Variants in STAG1 observed in about 807,000 individuals in gnomAD.
STAG1 encodes STAG1 cohesin complex component, also known as cohesin subunit SA-1.
STAG1 carries 26 observed loss-of-function variants against 170.9 expected under a neutral mutation model. The observed-to-expected ratio is 0.15, with a 90% CI of 0.11 to 0.21. STAG1 has a LOEUF of 0.21. Among genes scored for constraint, STAG1 ranks in the 10% least tolerant of loss-of-function variants. The pLI, the probability that STAG1 is intolerant of heterozygous loss-of-function variation, is 1.00. For missense variants in STAG1, 964 were observed against 1,509.5 expected, an observed-to-expected ratio of 0.64 and a Z score of 5.99; for synonymous variants, 514 against 497.7, an observed-to-expected ratio of 1.03 and a Z score of -0.44.
intron 23 of STAG1, among the ~76,000 whole-genome samples, chr3:136,370,476 C>T (rs1341921006): frequency 6.6e-6 from 1 of 152,126 alleles, no homozygotes; most frequent in East Asian, 1.9e-4. Flanking sequence ...CATCATTTAG[C>T]ATTAGGTGTA....
At chr3:136,602,765 C>T (rs1000812560) in intron 4 of STAG1, among the ~76,000 whole-genome samples, 1 of 151,870 alleles carries the variant, frequency 6.6e-6, no homozygotes, top group African/African-American at 2.4e-5. Flanking sequence ...GCACAAGAAT[C>T]CCTTGAACCC....
chr3:136,447,931 A>G (rs1027730814), intron 14 of STAG1, among the ~76,000 whole-genome samples: 2 of 152,056 alleles, frequency 1.3e-5, no homozygotes, highest in African/African-American at 4.8e-5. Flanking sequence ...CACACTTTTT[A>G]TAATAAATTC....
chr3:136,405,317 C>A (rs2087450121), intron 21 of STAG1, among the ~76,000 whole-genome samples: 1 of 137,474 alleles, frequency 7.3e-6, no homozygotes, highest in Non-Finnish European at 1.5e-5. Context: ...TCTCGGCTCA[C>A]TGCAACCTCC....
intron 6 of STAG1, among the ~76,000 whole-genome samples, chr3:136,531,396 C>A (rs1312746233): frequency 6.6e-6 from 1 of 151,116 alleles, no homozygotes; most frequent in Admixed American, 6.6e-5. Context: ...TTGACCCAGC[C>A]ATCCCATTAC....
chr3:136,421,023 G>A (rs181741453), intron 20 of STAG1, 70 bp downstream of exon 20: 34 of 882,356 alleles, frequency 3.9e-5, no homozygotes, highest in African/African-American at 3.3e-4. Context: ...TGCCCATCTC[G>A]GCCTCTCAAA....
At position 136,467,815 on chromosome 3, in the gene STAG1, G is replaced by C. The variant is rs565572392; in HGVS notation, c.1206-2827C>G. On this transcript the variant is annotated intron_variant, in intron 12 of 33. Transcript: ENST00000383202. ...AGAAATTATAACAAACTGTCTCTCAGACCACAGTGCAATCAAACTAGAACT... is the reference window on the plus strand; with the variant it reads ...AGAAATTATAACAAACTGTCTCTCACACCACAGTGCAATCAAACTAGAACT... 4.6e-5 allele frequency among the ~76,000 whole-genome samples: 7 copies of C among 152,282 alleles called. No homozygotes were observed. The South Asian group carries it at 1.5e-3, about 32-fold the overall frequency.
chr3:136,736,998 C>T (rs1319453445), intron 1 of STAG1: 12 of 1,592,478 alleles, frequency 7.5e-6, no homozygotes, highest in Admixed American at 1.7e-5. Flanking sequence ...TGTCAGGATG[C>T]ACCAAGATGG....
intron 5 of STAG1, among the ~76,000 whole-genome samples, chr3:136,547,014 AG>A (rs1936181186): frequency 6.6e-6 from 1 of 152,196 alleles, no homozygotes; most frequent in African/African-American, 2.4e-5. Flanking sequence ...TCTTTTGCCT[AG>A]AATACCTATT....
intron 4 of STAG1, among the ~76,000 whole-genome samples, chr3:136,590,212 C>T (rs990223826): frequency 2.0e-5 from 3 of 151,916 alleles, no homozygotes; most frequent in Admixed American, 6.6e-5. Flanking sequence ...TGGCTGGGCA[C>T]GGTGGCTCAC....
chr3:136,595,269 T>C (rs1938371344), intron 4 of STAG1, among the ~76,000 whole-genome samples: 1 of 152,148 alleles, frequency 6.6e-6, no homozygotes, highest in African/African-American at 2.4e-5. Context: ...CTCATAGCCA[T>C]CCTCCAATAC....
At chr3:136,407,660 T>C (rs1335863869) in intron 21 of STAG1, among the ~76,000 whole-genome samples, 2 of 151,872 alleles carry the variant, frequency 1.3e-5, no homozygotes, top group East Asian at 2.0e-4. Context: ...CAGAGTTTCA[T>C]CATGTTGGAC....
At chr3:136,610,972 G>C (rs891571041) in intron 3 of STAG1, among the ~76,000 whole-genome samples, 19 of 151,972 alleles carry the variant, frequency 1.3e-4, no homozygotes, top group Non-Finnish European at 2.5e-4. Context: ...TATATGGGTT[G>C]AGTACCCCTT....
intron 12 of STAG1, among the ~76,000 whole-genome samples, chr3:136,467,289 G>C (rs1169282638): frequency 6.6e-6 from 1 of 152,010 alleles, no homozygotes; most frequent in African/African-American, 2.4e-5. Flanking sequence ...ACACACATAG[G>C]CGCAAAATAA....
At chr3:136,447,629 CAG>C (rs1288448788) in intron 14 of STAG1, among the ~76,000 whole-genome samples, 2 of 92,762 alleles carry the variant, frequency 2.2e-5, no homozygotes, top group Admixed American at 3.2e-4. Flanking sequence ...TTTTTTGAGA[CAG>C]AGTCTTAAAC....
At chr3:136,600,227 G>A (rs542174380) in intron 4 of STAG1, among the ~76,000 whole-genome samples, 2 of 152,212 alleles carry the variant, frequency 1.3e-5, no homozygotes, top group African/African-American at 4.8e-5. Context: ...ACATCTCAAG[G>A]GTAACTTGAG....
intron 28 of STAG1, among the ~76,000 whole-genome samples, chr3:136,351,922 C>G (rs776594690): frequency 2.6e-5 from 4 of 151,942 alleles, no homozygotes; most frequent in Non-Finnish European, 4.4e-5. Context: ...TTATGCTAAC[C>G]CAGGGGTGAC....
At chr3:136,566,793 CT>C (rs1431920079) in intron 5 of STAG1, among the ~76,000 whole-genome samples, 2 of 152,106 alleles carry the variant, frequency 1.3e-5, no homozygotes, top group Non-Finnish European at 2.9e-5. Context: ...CATAAAATTA[CT>C]CATTACAGTA....
At chr3:136,503,331 T>C (rs1183015656) in intron 7 of STAG1, among the ~76,000 whole-genome samples, 1 of 152,210 alleles carries the variant, frequency 6.6e-6, no homozygotes, top group African/African-American at 2.4e-5. Context: ...TTGAAGTCCA[T>C]TAAAAATGTA....
At position 136,604,338 on chromosome 3, in the gene STAG1, C is replaced by T. The variant is rs765209467; in HGVS notation, c.268G>A (p.Val90Met). The change falls in exon 4 of 34, where the codon GTG becomes ATG. Residue 90 changes from valine (V) to methionine (M), a missense_variant. Val to Met is a conservative substitution (Grantham distance 21). Coordinates refer to ENST00000383202, the MANE Select transcript of STAG1 (RefSeq NM_005862.3). ...ATTGCACTTTTCCCCAGTTTCACCA[C>T]CTCAAATAATGTGACAGGCTCCCCT... ...GEGEPVTLFE[V>M]VKLGKSAMQS... is the part of the protein sequence containing the mutation. 4 of 1,611,662 alleles carry T rather than the reference C, an allele frequency of 2.5e-6. No homozygotes were observed. Among genetic ancestry groups the T allele is most frequent in the African/African-American group, 2.7e-5 (2 of 74,766 alleles).
Sources: gnomAD v4.1 joint callset for allele counts (sites outside exome capture counted in the v4.1 genomes callset) on GRCh38, gnomAD v4.1.1 for gene constraint, MANE v1.5 for transcripts, NCBI Gene and HGNC (gene_info 2026-07-23, HGNC 2026-07-21) for gene names.